The following IPO5 variants were observed in gnomAD, a reference collection of about 807,000 sequenced individuals.
IPO5 encodes the protein importin 5, also known as importin-5.
A neutral mutation model predicts 143.3 loss-of-function variants in IPO5; 18 were observed. That is an observed-to-expected ratio of 0.13 (90% CI 0.09 to 0.19). The LOEUF is 0.19. Among genes scored for constraint, IPO5 ranks in the 10% least tolerant of loss-of-function variants. The pLI, the probability that IPO5 is intolerant of heterozygous loss-of-function variation, is 1.00. For missense variants in IPO5, 1,013 were observed against 1,336.9 expected, an observed-to-expected ratio of 0.76 and a Z score of 3.78; for synonymous variants, 477 against 465.7, an observed-to-expected ratio of 1.02 and a Z score of -0.31.
At chr13:97,986,640 G>C (rs1887375682) in intron 6 of IPO5, among the ~76,000 whole-genome samples, 1 of 152,110 alleles carries the variant, frequency 6.6e-6, no homozygotes, top group Non-Finnish European at 1.5e-5. Flanking sequence ...ATGAGCCACT[G>C]CGCCTGGCCT....
chr13:97,996,705 C>T (rs1888323121), intron 11 of IPO5, among the ~76,000 whole-genome samples: 1 of 152,060 alleles, frequency 6.6e-6, no homozygotes, highest in African/African-American at 2.4e-5. Flanking sequence ...CAGGTTCACG[C>T]CATTCTCCTG....
In IPO5 at chr13:97,989,054, A is replaced by T. The variant is rs1273374115; in HGVS notation, c.365-8A>T. On this transcript the variant is annotated splice_region_variant and splice_polypyrimidine_tract_variant and intron_variant, in intron 6 of 28. Transcript: ENST00000651721. Reference sequence around the variant, plus strand: ...CACAACTTTATGTCTGGATTTCTTTACTTTCAGATGAGGATGGCAATAACC... The same window carrying T: ...CACAACTTTATGTCTGGATTTCTTTTCTTTCAGATGAGGATGGCAATAACC... The T allele has an allele frequency of 6.5e-7, 1 of 1,548,280 alleles. No individual in the cohort carries two copies. Among genetic ancestry groups the T allele is most frequent in the East Asian group, 2.2e-5 (1 of 44,480 alleles).
chr13:98,005,392 T>C (rs1889150834), intron 16 of IPO5, among the ~76,000 whole-genome samples: 1 of 150,142 alleles, frequency 6.7e-6, no homozygotes, highest in African/African-American at 2.5e-5. Context: ...TTTATTTATT[T>C]ATTTATTTAT....
chr13:97,997,972 G>A (rs1888442029), intron 12 of IPO5, among the ~76,000 whole-genome samples: 1 of 152,120 alleles, frequency 6.6e-6, no homozygotes, highest in African/African-American at 2.4e-5. Flanking sequence ...AAATAAAGTA[G>A]CTATGTTTTT....
chr13:98,019,455 A>G, intron 26 of IPO5, 126 bp from the exon 27 acceptor site: 3 of 704,744 alleles, frequency 4.3e-6, no homozygotes, highest in Non-Finnish European at 2.4e-6. Flanking sequence ...CAAGAAGACA[A>G]CACTTCCCAT....
Position 98,021,732 on chromosome 13 carries a change from C to A in IPO5, c.3208-4C>A. The A allele has an allele frequency of 6.6e-7, 1 of 1,518,972 alleles. No homozygotes were observed. The highest frequency in any genetic ancestry group is 8.9e-7 in the Non-Finnish European group (1 of 1,117,970). 94.1% of individuals were successfully genotyped at this position (1,518,972 alleles called of 1,614,324 possible). On this transcript the variant is annotated splice_region_variant and splice_polypyrimidine_tract_variant and intron_variant, in intron 28 of 28. Coordinates refer to ENST00000651721, the MANE Select transcript of IPO5 (RefSeq NM_002271.6). ...TAAGTCTGTGAAAATGTTTCTTTCC[C>A]TAGACTTCTGGAGGACTGTGGACTG... is the stretch of plus-strand genomic sequence containing the variant.
chr13:97,967,570 C>T (rs1363171882), intron 2 of IPO5, among the ~76,000 whole-genome samples: 6 of 152,124 alleles, frequency 3.9e-5, no homozygotes, highest in Non-Finnish European at 8.8e-5. Context: ...ATTGCTATCA[C>T]TGCTATCCCA....
chr13:97,976,653 C>A, intron 3 of IPO5, 40 bp from the exon 4 acceptor site: 2 of 1,045,070 alleles, frequency 1.9e-6, no homozygotes, highest in Non-Finnish European at 2.6e-6. Context: ...GCGCGCCTCA[C>A]GGCTCCTGTC....
In IPO5 at chr13:98,014,099, G is replaced by T; in HGVS notation, c.2210G>T (p.Arg737Leu). 6.2e-7 allele frequency: 1 copy of T among 1,613,918 alleles called. No individual in the cohort carries two copies. The highest frequency in any genetic ancestry group is 8.5e-7 in the Non-Finnish European group (1 of 1,179,844). ...CTTCTCCTGGAGTGTGCAAGAGTCC[G>T]TGGTCCTGAGTATCTCACACAGATG... ...MPLLLECARV[R>L]GPEYLTQMWH... The change falls in exon 22 of 29, where the codon CGT becomes CTT. Residue 737 changes from arginine to leucine, a missense_variant. Around this residue, in one of 2 missense-constraint regions of IPO5, gnomAD observed 685 missense variants for 994.9 expected, o/e 0.69. Transcript: ENST00000651721.
chr13:97,975,046 G>T (rs1222106348), intron 3 of IPO5, among the ~76,000 whole-genome samples: 1 of 152,306 alleles, frequency 6.6e-6, no homozygotes, highest in East Asian at 1.9e-4. Flanking sequence ...AACTGCAGCA[G>T]AATAGCCAAC....
intron 2 of IPO5, among the ~76,000 whole-genome samples, chr13:97,959,103 C>A (rs1178305004): frequency 6.6e-6 from 1 of 151,324 alleles, no homozygotes; most frequent in African/African-American, 2.4e-5. Context: ...ACCTAGGAGG[C>A]AGAGGTTGAA....
Position 98,006,108 on chromosome 13 carries a change from A to G in IPO5, c.1498-22A>G, listed in dbSNP as rs200500642. 85 of 1,521,190 alleles carry G rather than the reference A, an allele frequency of 5.6e-5. 1 individual carries two copies. The East Asian group carries it at 1.6e-3, about 29-fold the overall frequency. 94.2% of individuals were successfully genotyped at this position (1,521,190 alleles called of 1,614,324 possible). A position where few individuals can be genotyped will look rare whatever the true frequency, so the allele number is the denominator to read the frequency against. Reference sequence around the variant, plus strand: ...CTTCTTCCAGTTTTCCTTTGAGGTAATAATTTGTGTCTTCCTTCTAGCTGA... The same window carrying G: ...CTTCTTCCAGTTTTCCTTTGAGGTAGTAATTTGTGTCTTCCTTCTAGCTGA... On this transcript the variant is annotated intron_variant, in intron 16 of 28. Coordinates refer to ENST00000651721, the MANE Select transcript of IPO5 (RefSeq NM_002271.6).
intron 26 of IPO5, 47 bp downstream of exon 26, chr13:98,018,751 T>G (rs757088530): frequency 7.2e-7 from 1 of 1,396,030 alleles, no homozygotes; most frequent in East Asian, 2.3e-5. Flanking sequence ...AGACATCCTG[T>G]GAATCCCTAC....
At position 98,021,877 on chromosome 13, in the gene IPO5, C is replaced by G; in HGVS notation, c.*55C>G. ...AACTCCAAATAAACGCTTACCCTTTCCTTTAGGTTTCTTTGTTTTGTTTTT... is the reference window on the plus strand; with the variant it reads ...AACTCCAAATAAACGCTTACCCTTTGCTTTAGGTTTCTTTGTTTTGTTTTT... On this transcript the variant is annotated 3_prime_UTR_variant, in exon 29 of 29. Coordinates refer to ENST00000651721, the MANE Select transcript of IPO5 (RefSeq NM_002271.6). The G allele has an allele frequency of 8.0e-7, 1 of 1,243,364 alleles. No homozygotes were observed. 77.0% of individuals were successfully genotyped at this position (1,243,364 alleles called of 1,614,324 possible).
intron 4 of IPO5, among the ~76,000 whole-genome samples, chr13:97,980,700 G>T (rs1262283785): frequency 6.6e-6 from 1 of 152,062 alleles, no homozygotes; most frequent in East Asian, 1.9e-4. Context: ...GGTGGCAGGC[G>T]CCTGTAATCC....
intron 24 of IPO5, among the ~76,000 whole-genome samples, chr13:98,016,384 G>A (rs1461872465): frequency 6.6e-6 from 1 of 151,910 alleles, no homozygotes; most frequent in Non-Finnish European, 1.5e-5. Context: ...TTATTCTGCT[G>A]AAAACAAAGT....
intron 2 of IPO5, among the ~76,000 whole-genome samples, chr13:97,954,949 C>T (rs183625480): frequency 6.6e-5 from 10 of 152,164 alleles, no homozygotes; most frequent in African/African-American, 7.2e-5. Context: ...AAATACCGGC[C>T]GGGCACAGTG....
At chr13:98,010,780 C>CGTT (rs1889639079) in intron 20 of IPO5, among the ~76,000 whole-genome samples, 1 of 70,032 alleles carries the variant, frequency 1.4e-5, no homozygotes, top group African/African-American at 9.5e-5. Flanking sequence ...AAGGATAATC[C>CGTT]TTTTTTTTTT....
chr13:97,967,497 G>A (rs895756709), intron 2 of IPO5, among the ~76,000 whole-genome samples: 4 of 151,662 alleles, frequency 2.6e-5, no homozygotes, highest in Admixed American at 6.6e-5. Flanking sequence ...AGTATCTAAG[G>A]AAGTAGGTTA....
Sources: allele counts gnomAD v4.1 joint callset (sites outside exome capture counted in the v4.1 genomes callset), GRCh38; gene constraint gnomAD v4.1.1; regional missense constraint gnomAD v4.1.1; transcripts MANE v1.5; gene names NCBI Gene and HGNC (gene_info 2026-07-23, HGNC 2026-07-21).